The following IMMP2L variants were observed in gnomAD, a reference collection of about 807,000 sequenced individuals.
The protein encoded by IMMP2L is mitochondrial inner membrane protease subunit 2.
In IMMP2L, 18 loss-of-function variants were observed where a neutral mutation model predicts 19.3. That is an observed-to-expected ratio of 0.93 (90% CI 0.64 to 1.38). IMMP2L has a LOEUF of 1.38. IMMP2L is among the 40% of genes most tolerant of loss of function. The pLI is 0.00. For synonymous variants in IMMP2L, 76 were observed against 73.0 expected (o/e 1.04, Z -0.21); for missense variants, 233 against 218.2 (o/e 1.07, Z -0.43).
intron 5 of IMMP2L, among the ~76,000 whole-genome samples, chr7:110,883,300 C>T (rs1342119923): frequency 6.6e-6 from 1 of 151,984 alleles, no homozygotes; most frequent in Non-Finnish European, 1.5e-5. Flanking sequence ...ACTTTCAGAC[C>T]ACCAGTTCAT....
At chr7:111,018,784 CTTTTTATTATTATTATTA>C (rs1825962179) in intron 3 of IMMP2L, among the ~76,000 whole-genome samples, 1 of 120,976 alleles carries the variant, frequency 8.3e-6, no homozygotes, top group East Asian at 2.2e-4. Context: ...AATTGTGTGT[CTTTTTATTATTATTATTA>C]TTATTATTAT....
intron 3 of IMMP2L, among the ~76,000 whole-genome samples, chr7:111,235,637 C>T (rs1352981249): frequency 2.6e-5 from 4 of 151,946 alleles, no homozygotes. Flanking sequence ...AAGATTTTCT[C>T]ATTATCACTG....
chr7:110,754,648 C>T (rs373871628), intron 5 of IMMP2L, among the ~76,000 whole-genome samples: 44 of 152,022 alleles, frequency 2.9e-4, no homozygotes, highest in Admixed American at 1.8e-3. Context: ...ATCTGCTTAC[C>T]GCTTAGTATA....
At chr7:111,009,211 G>C (rs1224389936) in intron 3 of IMMP2L, among the ~76,000 whole-genome samples, 2 of 152,038 alleles carry the variant, frequency 1.3e-5, no homozygotes, top group African/African-American at 4.8e-5. Flanking sequence ...TTCTAGAAAA[G>C]ATTTTGCCCA....
In IMMP2L at chr7:110,832,719, GA is replaced by G. The variant is rs1159230348; in HGVS notation, c.408+53873del. 3.3e-5 allele frequency among the ~76,000 whole-genome samples: 5 copies of G among 152,204 alleles called. No homozygotes were observed. In the East Asian group the frequency reaches 9.7e-4, roughly 29 times the overall value. Reference sequence around the variant, plus strand: ...TTCTTTTGTTCACAAGTACCACCAAGAAACTTAGAATTCTTCATAGGAATTC... The same window carrying G: ...TTCTTTTGTTCACAAGTACCACCAAGAACTTAGAATTCTTCATAGGAATTC... On this transcript the variant is annotated intron_variant, in intron 5 of 5. Transcript: ENST00000405709.
At chr7:111,447,470 G>A (rs1213002964) in intron 3 of IMMP2L, among the ~76,000 whole-genome samples, 1 of 149,166 alleles carries the variant, frequency 6.7e-6, no homozygotes, top group Non-Finnish European at 1.5e-5. Context: ...CTTCATAAGT[G>A]AAGGAGAAAT....
intron 4 of IMMP2L, among the ~76,000 whole-genome samples, chr7:110,939,841 T>C (rs1816544205): frequency 6.6e-6 from 1 of 152,106 alleles, no homozygotes; most frequent in South Asian, 2.1e-4. Context: ...AAAAGACTGT[T>C]GAAGTTCTGA....
At position 111,256,971 on chromosome 7, in the gene IMMP2L, C is replaced by T. The variant is rs556838854; in HGVS notation, c.239+230267G>A. On this transcript the variant is annotated intron_variant, in intron 3 of 5. Transcript: ENST00000405709. The stretch of plus-strand genomic sequence containing the variant: ...GTCCATCATTTTTCTAAGTAAGCAC[C>T]TTAAACTACCTACAATAAATAAAAG... 2.0e-4 allele frequency among the ~76,000 whole-genome samples: 30 copies of T among 152,114 alleles called. 1 individual carries two copies. In the South Asian group the frequency reaches 6.2e-3, roughly 32 times the overall value.
At chr7:111,069,707 C>T (rs543849476) in intron 3 of IMMP2L, among the ~76,000 whole-genome samples, 1 of 152,046 alleles carries the variant, frequency 6.6e-6, no homozygotes, top group Non-Finnish European at 1.5e-5. Context: ...ATTTAGGGCT[C>T]ACATGAGGAG....
At chr7:111,539,225 A>C (rs1270880921) in intron 1 of IMMP2L, among the ~76,000 whole-genome samples, 1 of 134,908 alleles carries the variant, frequency 7.4e-6, no homozygotes, top group Non-Finnish European at 1.6e-5. Context: ...AAAGAAAGAA[A>C]GAAAGAAAGA....
chr7:110,887,739 G>A (rs1475597352), intron 4 of IMMP2L, among the ~76,000 whole-genome samples: 1 of 149,842 alleles, frequency 6.7e-6, no homozygotes, highest in Non-Finnish European at 1.5e-5. Flanking sequence ...GGCAGAGACT[G>A]CTTTTTTTTT....
intron 3 of IMMP2L, among the ~76,000 whole-genome samples, chr7:111,282,248 G>A (rs547119787): frequency 1.4e-4 from 21 of 152,276 alleles, no homozygotes; most frequent in Non-Finnish European, 2.4e-4. Context: ...CTGGTCTCCC[G>A]TGAAACTGGT....
Position 111,267,732 on chromosome 7 carries a change from T to C in IMMP2L, c.239+219506A>G, listed in dbSNP as rs143148241. Among the ~76,000 whole-genome samples the C allele has an allele frequency of 5.9e-5, 9 of 152,298 alleles. No individual in the cohort carries two copies. In the East Asian group the frequency reaches 1.7e-3, roughly 29 times the overall value. ...AGATTATATTAACTTTTTTTCTATATACTATTCTCCAGGGGTAATATTACT... is the reference window on the plus strand; with the variant it reads ...AGATTATATTAACTTTTTTTCTATACACTATTCTCCAGGGGTAATATTACT... On this transcript the variant is annotated intron_variant, in intron 3 of 5. Coordinates refer to ENST00000405709, the MANE Select transcript of IMMP2L (RefSeq NM_032549.4).
At chr7:110,979,826 T>C (rs927315003) in intron 3 of IMMP2L, among the ~76,000 whole-genome samples, 3 of 152,198 alleles carry the variant, frequency 2.0e-5, no homozygotes, top group African/African-American at 7.2e-5. Flanking sequence ...AGAGTTTCTT[T>C]TTGGAGTTCT....
chr7:111,377,889 T>C (rs1021857223), intron 3 of IMMP2L, among the ~76,000 whole-genome samples: 6 of 152,100 alleles, frequency 3.9e-5, no homozygotes, highest in Non-Finnish European at 7.4e-5. Flanking sequence ...ATACTATACA[T>C]AGTATTAATG....
chr7:110,682,542 G>T (rs1039833813), intron 5 of IMMP2L, among the ~76,000 whole-genome samples: 2 of 152,124 alleles, frequency 1.3e-5, no homozygotes, highest in Admixed American at 6.6e-5. Flanking sequence ...GATTGGATAT[G>T]GGAGCTGAGA....
At chr7:111,238,074 A>G (rs943112059) in intron 3 of IMMP2L, among the ~76,000 whole-genome samples, 10 of 152,220 alleles carry the variant, frequency 6.6e-5, no homozygotes, top group Non-Finnish European at 1.3e-4. Flanking sequence ...GCATTGTCTT[A>G]TATCCTATTC....
intron 3 of IMMP2L, among the ~76,000 whole-genome samples, chr7:111,415,872 T>C (rs951973990): frequency 6.6e-6 from 1 of 151,602 alleles, no homozygotes; most frequent in African/African-American, 2.4e-5. Context: ...TTTAAACATA[T>C]ACAGGTTTTA....
intron 3 of IMMP2L, among the ~76,000 whole-genome samples, chr7:111,142,959 T>C (rs1341099881): frequency 6.6e-6 from 1 of 152,198 alleles, no homozygotes; most frequent in East Asian, 1.9e-4. Flanking sequence ...TGTACTATTG[T>C]ATACTTTTTT....
Sources: allele counts gnomAD v4.1 joint callset (sites outside exome capture counted in the v4.1 genomes callset), GRCh38; gene constraint gnomAD v4.1.1; transcripts MANE v1.5; gene names NCBI Gene and HGNC (gene_info 2026-07-23, HGNC 2026-07-21).